MAD1L1: variants seen among roughly 807,000 people sequenced by gnomAD.
The protein encoded by MAD1L1 is mitotic spindle assembly checkpoint protein MAD1.
Under a neutral mutation model 96.9 loss-of-function variants are expected in MAD1L1, and 95 were observed. The observed-to-expected ratio is 0.98, with a 90% CI of 0.83 to 1.16. MAD1L1 has a LOEUF of 1.16. Among genes scored for constraint, MAD1L1 ranks in the 50% most tolerant of loss-of-function variants. MAD1L1 has a pLI of 0.00. For missense variants in MAD1L1, 1,007 were observed against 954.4 expected (o/e 1.06, Z -0.73); for synonymous variants, 473 against 396.6 (o/e 1.19, Z -2.29).
At chr7:2,184,879 G>A (rs947362441) in intron 10 of MAD1L1, among the ~76,000 whole-genome samples, 1 of 152,148 alleles carries the variant, frequency 6.6e-6, no homozygotes, top group Non-Finnish European at 1.5e-5. Flanking sequence ...GCGCACGCCT[G>A]TAATCCCAGC....
At chr7:1,874,452 G>A in intron 18 of MAD1L1, 1 of 447,274 alleles carries the variant, frequency 2.2e-6, no homozygotes, top group Non-Finnish European at 4.5e-6. Context: ...TGGCCAGGGT[G>A]AGGCTCTGGT....
At chr7:2,171,769 A>G (rs1044808503) in intron 10 of MAD1L1, among the ~76,000 whole-genome samples, 1 of 151,950 alleles carries the variant, frequency 6.6e-6, no homozygotes, top group African/African-American at 2.4e-5. Context: ...AAAGGGCAGC[A>G]GAGAAGCCCA....
chr7:2,057,897 G>T (rs143775367), intron 12 of MAD1L1, among the ~76,000 whole-genome samples: 21 of 152,226 alleles, frequency 1.4e-4, no homozygotes, highest in African/African-American at 5.1e-4. Flanking sequence ...AGGAGACAAG[G>T]TGCCTACTGT....
At chr7:1,906,912 G>A (rs1029451121) in intron 17 of MAD1L1, among the ~76,000 whole-genome samples, 1 of 152,196 alleles carries the variant, frequency 6.6e-6, no homozygotes, top group African/African-American at 2.4e-5. Context: ...ACACGTGTGC[G>A]TCTGTCCCTG....
chr7:2,144,700 A>T (rs1267400977), intron 11 of MAD1L1, among the ~76,000 whole-genome samples: 1 of 152,102 alleles, frequency 6.6e-6, no homozygotes, highest in African/African-American at 2.4e-5. Context: ...AAGGGAGGCT[A>T]CAGGGCAGCC....
At chr7:2,077,784 C>T (rs1343350029) in intron 11 of MAD1L1, among the ~76,000 whole-genome samples, 1 of 152,202 alleles carries the variant, frequency 6.6e-6, no homozygotes, top group Non-Finnish European at 1.5e-5. Flanking sequence ...TCCGGAAGCA[C>T]CCACAGGTTC....
rs185435832 is a variant in MAD1L1 at position 1,875,990 on chromosome 7, C to G, written c.1998+22210G>C. Among the ~76,000 whole-genome samples, 514 of 152,336 alleles carry G rather than the reference C, an allele frequency of 3.4e-3. 2 individuals carry two copies. The highest frequency in any genetic ancestry group is 0.027 in the South Asian group (132 of 4,832). ...CACAAGCCGGGAGGAGAGTCCTCCC[C>G]AGGGGCCAACTCCGGTGCCCTTTGA... On this transcript the variant is annotated intron_variant, in intron 18 of 18. Transcript: ENST00000265854.
In MAD1L1 at chr7:2,003,056, A is replaced by AGAGGAACTCGGGAGGAAGGGC. The variant is rs59601048; in HGVS notation, c.1360-936_1360-935insGCCCTTCCTCCCGAGTTCCTC. 3.4e-3 allele frequency among the ~76,000 whole-genome samples: 513 copies of AGAGGAACTCGGGAGGAAGGGC among 152,316 alleles called. 4 individuals carry two copies. The highest frequency in any genetic ancestry group is 0.012 in the African/African-American group (489 of 41,542). ...GTGAGACCCCCCCAGGCCACAGCAC[A>AGAGGAACTCGGGAGGAAGGGC]CAGGAAAGTCCGGGAAGGAGATGGA... On this transcript the variant is annotated intron_variant, in intron 13 of 18. Transcript: ENST00000265854.
In MAD1L1 at chr7:1,909,287, G is replaced by A. The variant is rs147990373; in HGVS notation, c.1808-10897C>T. Among the ~76,000 whole-genome samples, 830 of 152,306 alleles carry A rather than the reference G, an allele frequency of 5.4e-3. 11 individuals carry two copies. The highest frequency in any genetic ancestry group is 0.019 in the African/African-American group (795 of 41,562). On this transcript the variant is annotated intron_variant, in intron 17 of 18. Transcript: ENST00000265854. ...GAGTGTCCCTGCAGAGAGTACTCTG[G>A]GCCCTGGCAGGCACTGGCAGCCCCG...
intron 18 of MAD1L1, among the ~76,000 whole-genome samples, chr7:1,816,732 A>G (rs1371755684): frequency 6.6e-6 from 1 of 152,064 alleles, no homozygotes; most frequent in East Asian, 1.9e-4. Context: ...CTGTAACTGG[A>G]GAACGGGCAA....
intron 12 of MAD1L1, among the ~76,000 whole-genome samples, chr7:2,018,369 G>A (rs1000645660): frequency 2.0e-5 from 3 of 152,324 alleles, no homozygotes; most frequent in South Asian, 4.1e-4. Flanking sequence ...ATGAATGCAC[G>A]GCAGCCACGG....
chr7:2,081,325 A>G (rs1164452557), intron 11 of MAD1L1, among the ~76,000 whole-genome samples: 2 of 152,172 alleles, frequency 1.3e-5, no homozygotes, highest in Non-Finnish European at 2.9e-5. Flanking sequence ...GGTTCTAGCG[A>G]AAGTCCATCG....
At chr7:1,892,229 AACC>A (rs1402412729) in intron 18 of MAD1L1, among the ~76,000 whole-genome samples, 3 of 152,216 alleles carry the variant, frequency 2.0e-5, no homozygotes, top group Admixed American at 1.3e-4. Flanking sequence ...CAGCCGGCTA[AACC>A]ATGCGGCCCA....
In MAD1L1 at chr7:1,909,189, G is replaced by A. The variant is rs771985981; in HGVS notation, c.1808-10799C>T. On this transcript the variant is annotated intron_variant, in intron 17 of 18. Transcript: ENST00000265854. ...TCAGGCCGAGGTCTGACCTCGACGA[G>A]AGACGACCAAGGATCCCCTGCACGC... 3.3e-5 allele frequency among the ~76,000 whole-genome samples: 5 copies of A among 152,300 alleles called. No individual in the cohort carries two copies. In the South Asian group the frequency reaches 1.0e-3, roughly 32 times the overall value.
chr7:2,063,148 T>C (rs17132114), intron 12 of MAD1L1, among the ~76,000 whole-genome samples: 21,374 of 152,164 alleles, frequency 0.14, 2,267 homozygotes, highest in African/African-American at 0.29. Flanking sequence ...CTGTATTCTT[T>C]GAGCTGTATG....
At position 2,017,953 on chromosome 7, in the gene MAD1L1, G is replaced by C. The variant is rs535873946; in HGVS notation, c.1219-3311C>G. Among the ~76,000 whole-genome samples, 10 of 152,252 alleles carry C rather than the reference G, an allele frequency of 6.6e-5. No homozygotes were observed. The South Asian group carries it at 1.0e-3, about 16-fold the overall frequency. On this transcript the variant is annotated intron_variant, in intron 12 of 18. Transcript: ENST00000265854. ...GAAGGGCAGGGGAGATCAGAGCAGC[G>C]AGACCAGGAAGCCGAGACAGAGACC... is the stretch of plus-strand genomic sequence containing the variant.
chr7:1,994,868 C>T (rs756678416), intron 14 of MAD1L1, among the ~76,000 whole-genome samples: 24 of 152,152 alleles, frequency 1.6e-4, no homozygotes, highest in Admixed American at 7.9e-4. Context: ...TAAACAGAGA[C>T]GAGGTCTCAC....
rs1056006687 is a variant in MAD1L1 at position 2,216,090 on chromosome 7, A to G, written c.809+67T>C. 37 of 1,608,260 alleles carry G rather than the reference A, an allele frequency of 2.3e-5. No homozygotes were observed. In the Middle Eastern group the frequency reaches 4.9e-4, roughly 22 times the overall value. ...AGCCCTGCCCCTACAGGGTCTGCAC[A>G]GTGGGCTCCATGTGCACAAACCCAG... On this transcript the variant is annotated intron_variant, in intron 8 of 18. Coordinates refer to ENST00000265854, the MANE Select transcript of MAD1L1 (RefSeq NM_001013836.2).
intron 16 of MAD1L1, among the ~76,000 whole-genome samples, chr7:1,941,473 G>A (rs758509082): frequency 1.3e-5 from 2 of 152,244 alleles, no homozygotes; most frequent in East Asian, 1.9e-4. Context: ...AAACTGAGAA[G>A]TTCTTCTTAA....
Sources: allele counts gnomAD v4.1 joint callset (sites outside exome capture counted in the v4.1 genomes callset), GRCh38; gene constraint gnomAD v4.1.1; transcripts MANE v1.5; gene names NCBI Gene and HGNC (gene_info 2026-07-23, HGNC 2026-07-21).